KNDC1: variants seen among roughly 807,000 people sequenced by gnomAD.
The protein encoded by KNDC1 is kinase non-catalytic C-lobe domain containing 1, also known as kinase non-catalytic C-lobe domain-containing protein 1.
A neutral mutation model predicts 172.8 loss-of-function variants in KNDC1; 106 were observed. The observed-to-expected ratio is 0.61, with a 90% confidence interval of 0.52 to 0.72. The LOEUF (loss-of-function observed/expected upper bound fraction) is 0.72. Among genes scored for constraint, KNDC1 ranks in the 30% least tolerant of loss-of-function variants. The pLI is 0.00. For missense variants in KNDC1, 2,325 were observed against 2,394.5 expected (o/e 0.97, Z 0.61); for synonymous variants, 1,083 against 1,062.2 (o/e 1.02, Z -0.38).
At chr10:133,198,274 G>A (rs1025784987) in intron 12 of KNDC1, 63 bp from the exon 13 acceptor site, 15 of 1,468,816 alleles carry the variant, frequency 1.0e-5, no homozygotes, top group Admixed American at 4.4e-5. Context: ...GGGATGAGCC[G>A]GTGGTGCGGC....
At chr10:133,185,696 A>G (rs11595788) in intron 5 of KNDC1, among the ~76,000 whole-genome samples, 1 of 150,056 alleles carries the variant, frequency 6.7e-6, no homozygotes. Flanking sequence ...GAAGCCCCAG[A>G]GGGAAGCCCC....
intron 3 of KNDC1, among the ~76,000 whole-genome samples, chr10:133,178,578 G>A (rs1323857556): frequency 6.6e-6 from 1 of 152,040 alleles, no homozygotes; most frequent in Non-Finnish European, 1.5e-5. Flanking sequence ...GAGGGTTCCG[G>A]TCCCCCCTCT....
chr10:133,187,345 G>A (rs1322982246), intron 6 of KNDC1, among the ~76,000 whole-genome samples: 1 of 152,256 alleles, frequency 6.6e-6, no homozygotes. Context: ...CTGTCCAGCC[G>A]AAGACGCTTG....
Position 133,189,659 on chromosome 10 carries a change from C to A in KNDC1, c.1503C>A (p.Pro501=). Residue 501 remains proline (P), a synonymous_variant, in exon 8 of 30, where the codon CCC becomes CCA. Transcript: ENST00000304613. ...AEDGAVLFQP[P]PANGSYDSFF... ...ACGGGGCTGTGCTCTTCCAGCCACC[C>A]CCTGCCAACGGTGAGTGTGTGGGTT... is the stretch of plus-strand genomic sequence containing the variant. 1 of 1,613,942 alleles carries A rather than the reference C, an allele frequency of 6.2e-7. No homozygotes were observed. The highest frequency in any genetic ancestry group is 8.5e-7 in the Non-Finnish European group (1 of 1,179,988).
intron 5 of KNDC1, among the ~76,000 whole-genome samples, chr10:133,185,167 G>A (rs1853853561): frequency 8.3e-6 from 1 of 119,852 alleles, no homozygotes; most frequent in Non-Finnish European, 1.9e-5. Context: ...GCGCAGTGTG[G>A]AGTAGGCAGT....
chr10:133,203,716 C>A (rs1854443651), intron 17 of KNDC1, among the ~76,000 whole-genome samples: 1 of 152,254 alleles, frequency 6.6e-6, no homozygotes. Context: ...CCTCCCCCGT[C>A]TGTCTGCACC....
chr10:133,200,383 A>T lies in KNDC1; in HGVS notation c.2912A>T (p.Glu971Val). The change falls in exon 16 of 30, where the codon GAG becomes GTG. Residue 971 changes from glutamate to valine, a missense_variant. Physicochemically the swap from Glu to Val is moderately radical, Grantham distance 121. Coordinates refer to ENST00000304613, the MANE Select transcript of KNDC1 (RefSeq NM_152643.8). ...TGCATTCTCGTCGTCAGCACGGCCG[A>T]GGAGGCTGGGTCACAGCTCGAGGGC... ...GQASPSPSTA[E>V]EAGSQLEGSQ... The T allele has an allele frequency of 6.3e-7, 1 of 1,592,524 alleles. No individual in the cohort carries two copies. Among genetic ancestry groups the T allele is most frequent in the African/African-American group, 1.4e-5 (1 of 73,324 alleles).
chr10:133,167,230 CA>C, intron 1 of KNDC1, 150 bp from the exon 2 acceptor site: 1 of 706,674 alleles, frequency 1.4e-6, no homozygotes, highest in Non-Finnish European at 2.3e-6. Context: ...ACTCTTGAAA[CA>C]AAATGAGACG....
Position 133,167,255 on chromosome 10 carries a change from T to C in KNDC1, c.103-126T>C, listed in dbSNP as rs115091733. 1,660 of 867,726 alleles carry C rather than the reference T, an allele frequency of 1.9e-3. 20 individuals are homozygous for C. The African/African-American group carries it at 0.025, about 13-fold the overall frequency. The allele number at this position is 867,726 out of a possible 1,614,324, so 53.8% of individuals were successfully genotyped here. ...CAAAATGAGACGTGGTCTAAAGCCC[T>C]TTCCCTGACCCACGCGTTGAAACGC... On this transcript the variant is annotated intron_variant, in intron 1 of 29. Transcript: ENST00000304613.
chr10:133,198,541 C>T lies in KNDC1; in HGVS notation c.2070-37C>T, dbSNP rs373555040. ...CACCCCGGAGCTGCTGGGTCCCGGG[C>T]GCAGGCAGCCCCTCCTGAGCTCTGC... On this transcript the variant is annotated intron_variant, in intron 13 of 29. Transcript: ENST00000304613. 1.0e-4 allele frequency: 161 copies of T among 1,578,972 alleles called. No homozygotes were observed. The East Asian group carries it at 2.4e-3, about 23-fold the overall frequency.
intron 7 of KNDC1, among the ~76,000 whole-genome samples, chr10:133,188,870 G>A (rs1589752785): frequency 1.3e-5 from 2 of 152,096 alleles, no homozygotes; most frequent in East Asian, 1.9e-4. Context: ...CGGAACAGGC[G>A]GCTCCCGTCT....
chr10:133,218,544 G>A (rs191327751), intron 26 of KNDC1, among the ~76,000 whole-genome samples: 1 of 152,318 alleles, frequency 6.6e-6, no homozygotes, highest in East Asian at 1.9e-4. Flanking sequence ...GTGCATCCAG[G>A]CACAATCTTG....
Position 133,211,834 on chromosome 10 carries a change from C to G in KNDC1, c.4212C>G (p.Leu1404=), listed in dbSNP as rs774082455. The G allele has an allele frequency of 1.9e-6, 3 of 1,608,838 alleles. No homozygotes were observed. Among genetic ancestry groups the G allele is most frequent in the Non-Finnish European group, 2.5e-6 (3 of 1,178,918 alleles). ...ARPFNALCKR[L]SEDGISRKSF... ...CCTTCAACGCCCTCTGTAAGAGGCT[C>G]TCAGAGGACGGCATCTCCAGGAAGG... The change falls in exon 23 of 30, where the codon CTC becomes CTG. Residue 1404 remains leucine (L), a synonymous_variant. Coordinates refer to ENST00000304613, the MANE Select transcript of KNDC1 (RefSeq NM_152643.8).
intron 1 of KNDC1, among the ~76,000 whole-genome samples, chr10:133,161,922 C>T (rs1023756995): frequency 5.3e-5 from 8 of 152,224 alleles, no homozygotes; most frequent in African/African-American, 1.9e-4. Flanking sequence ...CAACACGCCG[C>T]GCCAGGCGCG....
chr10:133,174,610 G>A (rs182425986), intron 3 of KNDC1, among the ~76,000 whole-genome samples: 200 of 152,214 alleles, frequency 1.3e-3, no homozygotes, highest in Non-Finnish European at 2.1e-3. Flanking sequence ...ATGGCCAGGT[G>A]GATGGATAGG....
chr10:133,209,079 A>G lies in KNDC1; in HGVS notation c.3795-1532A>G, dbSNP rs544844426. Among the ~76,000 whole-genome samples the G allele has an allele frequency of 1.4e-5, 2 of 146,534 alleles. No individual in the cohort carries two copies. The highest frequency in any genetic ancestry group is 5.1e-5 in the African/African-American group (2 of 39,040). On this transcript the variant is annotated intron_variant, in intron 20 of 29. Transcript: ENST00000304613. The surrounding 1 kb of genome is among the most constrained non-coding windows in gnomAD (Gnocchi z 4.9). ...GTGATGTGTGTGCATGTGTGGGGTG[A>G]TGTGTGGCTTGCGTGCCCATGTATG...
intron 5 of KNDC1, 22 bp downstream of exon 5, chr10:133,184,011 C>T (rs758567439): frequency 1.7e-5 from 23 of 1,364,842 alleles, no homozygotes; most frequent in African/African-American, 5.8e-5. Flanking sequence ...AACCCACACA[C>T]GTGCATCCTC....
chr10:133,198,585 C>T lies in KNDC1; in HGVS notation c.2077C>T (p.Pro693Ser), dbSNP rs769726621. The change falls in exon 14 of 30, where the codon CCT becomes TCT. Residue 693 changes from proline (P) to serine (S), a missense_variant. Physicochemically the swap from Pro to Ser is moderately conservative, Grantham distance 74. Transcript: ENST00000304613. ...GCTCTGCTCCTCCCGTAGGGACCAG[C>T]CTGCCTTGGCCCAGGAGGAGTCCGA... is the stretch of plus-strand genomic sequence containing the variant. ...AQNASVARDQ[P>S]ALAQEESEER... is the part of the protein sequence containing the mutation. 3 of 1,588,904 alleles carry T rather than the reference C, an allele frequency of 1.9e-6. No homozygotes were observed. Among genetic ancestry groups the T allele is most frequent in the Non-Finnish European group, 2.6e-6 (3 of 1,165,966 alleles).
chr10:133,208,666 G>A (rs925808336), intron 20 of KNDC1, among the ~76,000 whole-genome samples: 3 of 152,210 alleles, frequency 2.0e-5, no homozygotes, highest in African/African-American at 4.8e-5. Context: ...GCTGACCCTC[G>A]GACCTAGTTC....
Sources: gnomAD v4.1 joint callset for allele counts (sites outside exome capture counted in the v4.1 genomes callset) on GRCh38, gnomAD v4.1.1 for gene constraint, Gnocchi (gnomAD v3.1) non-coding constraint, MANE v1.5 for transcripts, NCBI Gene and HGNC (gene_info 2026-07-23, HGNC 2026-07-21) for gene names.